The following TMOD1 variants were observed in gnomAD, a reference collection of about 807,000 sequenced individuals.
TMOD1 encodes the protein tropomodulin-1.
A neutral mutation model predicts 40.6 loss-of-function variants in TMOD1; 17 were observed. That is an observed-to-expected ratio of 0.42 (90% confidence interval 0.29 to 0.63). TMOD1 has a LOEUF of 0.63. Among genes scored for constraint, TMOD1 ranks in the 20% least tolerant of loss-of-function variants. The pLI is 0.22. For missense variants in TMOD1, 391 were observed against 447.6 expected (o/e 0.87, Z 1.14); for synonymous variants, 181 against 175.0 (o/e 1.03, Z -0.27).
chr9:97,584,705 T>G (rs1587959731), intron 8 of TMOD1, among the ~76,000 whole-genome samples: 1 of 152,078 alleles, frequency 6.6e-6, no homozygotes, highest in African/African-American at 2.4e-5. Context: ...TGCATATATA[T>G]TTAGGATAGT....
At chr9:97,562,346 G>A (rs189578510) in intron 4 of TMOD1, among the ~76,000 whole-genome samples, 21 of 152,318 alleles carry the variant, frequency 1.4e-4, no homozygotes, top group African/African-American at 5.1e-4. Flanking sequence ...CACTGGGATG[G>A]TCAAATGGGC....
At chr9:97,571,024 C>T (rs75153064) in intron 8 of TMOD1, among the ~76,000 whole-genome samples, 6 of 152,184 alleles carry the variant, frequency 3.9e-5, no homozygotes, top group South Asian at 2.1e-4. Flanking sequence ...ACCCCTTCTG[C>T]GCCCTCCCTT....
intron 4 of TMOD1, among the ~76,000 whole-genome samples, chr9:97,553,679 G>A (rs1041983482): frequency 1.3e-5 from 2 of 152,130 alleles, no homozygotes; most frequent in South Asian, 2.1e-4. Flanking sequence ...GCCCACAGAC[G>A]CCCTTTCCCA....
intron 9 of TMOD1, among the ~76,000 whole-genome samples, chr9:97,597,877 C>T (rs1462783950): frequency 2.6e-5 from 4 of 151,988 alleles, no homozygotes; most frequent in Non-Finnish European, 5.9e-5. Flanking sequence ...CCTGGCTCTG[C>T]TGCCAGCTCT....
chr9:97,545,045 C>T (rs939085475), intron 2 of TMOD1, among the ~76,000 whole-genome samples: 2 of 150,890 alleles, frequency 1.3e-5, no homozygotes, highest in African/African-American at 4.9e-5. Context: ...GGTGGAATGA[C>T]TCTTCAGTTT....
At chr9:97,504,278 G>A (rs778311143) in intron 1 of TMOD1, among the ~76,000 whole-genome samples, 7 of 152,154 alleles carry the variant, frequency 4.6e-5, no homozygotes, top group Non-Finnish European at 7.3e-5. Context: ...GTGGTGAGGG[G>A]GAAAGGCAGG....
chr9:97,568,447 G>A lies in TMOD1; in HGVS notation c.727-447G>A, dbSNP rs1378829906. ...AGAGGGTAGGCTACAGCTAGCTGGG[G>A]AATGTCAGCAAGAGTTCTTGGAGAA... On this transcript the variant is annotated intron_variant, in intron 7 of 9. Transcript: ENST00000259365. Among the ~76,000 whole-genome samples, 4 of 152,220 alleles carry A rather than the reference G, an allele frequency of 2.6e-5. No homozygotes were observed. In the South Asian group the frequency reaches 6.2e-4, roughly 24 times the overall value.
At chr9:97,544,030 G>A (rs1433690281) in intron 2 of TMOD1, among the ~76,000 whole-genome samples, 1 of 152,098 alleles carries the variant, frequency 6.6e-6, no homozygotes, top group Admixed American at 6.5e-5. Flanking sequence ...AACTCCCAGT[G>A]TCTCTTTTGA....
chr9:97,525,682 A>C (rs1418343196), intron 2 of TMOD1, among the ~76,000 whole-genome samples: 1 of 152,226 alleles, frequency 6.6e-6, no homozygotes, highest in East Asian at 1.9e-4. Context: ...GTATCCAGAC[A>C]TACTTTCTTA....
At chr9:97,516,459 A>T (rs1376181447) in intron 1 of TMOD1, 1 of 153,030 alleles carries the variant, frequency 6.5e-6, no homozygotes, top group Non-Finnish European at 1.5e-5. Flanking sequence ...CTATCCATCC[A>T]TGGGAAGCAG....
At chr9:97,511,563 C>A (rs1270220457) in intron 1 of TMOD1, among the ~76,000 whole-genome samples, 1 of 152,112 alleles carries the variant, frequency 6.6e-6, no homozygotes, top group African/African-American at 2.4e-5. Context: ...CCCAGTGTAC[C>A]CCTGGGCAGT....
chr9:97,573,943 A>G (rs1019241242), intron 8 of TMOD1, among the ~76,000 whole-genome samples: 3 of 152,116 alleles, frequency 2.0e-5, no homozygotes, highest in African/African-American at 4.8e-5. Flanking sequence ...TGGAGGGGGG[A>G]GGATCAAAGA....
chr9:97,594,687 G>A (rs1826069749), intron 9 of TMOD1, among the ~76,000 whole-genome samples: 1 of 152,208 alleles, frequency 6.6e-6, no homozygotes, highest in South Asian at 2.1e-4. Flanking sequence ...CCTGACCAGT[G>A]CGTCTTCGGT....
intron 2 of TMOD1, among the ~76,000 whole-genome samples, chr9:97,525,476 C>T (rs1243823576): frequency 6.6e-6 from 1 of 152,210 alleles, no homozygotes; most frequent in Non-Finnish European, 1.5e-5. Context: ...TATAACTACC[C>T]TGTTTCATTC....
chr9:97,584,446 G>A (rs1825824085), intron 8 of TMOD1, among the ~76,000 whole-genome samples: 3 of 151,544 alleles, frequency 2.0e-5, no homozygotes, highest in Admixed American at 2.0e-4. Context: ...TGGAATAGGT[G>A]TGGTGTGGTG....
At chr9:97,592,137 C>T (rs931644733) in intron 9 of TMOD1, among the ~76,000 whole-genome samples, 1 of 152,006 alleles carries the variant, frequency 6.6e-6, no homozygotes, top group African/African-American at 2.4e-5. Flanking sequence ...TTTGAGCAAT[C>T]ATGATCTTAC....
At position 97,600,441 on chromosome 9, in the gene TMOD1, T is replaced by G. The variant is rs144553031; in HGVS notation, c.*743T>G. On this transcript the variant is annotated 3_prime_UTR_variant, in exon 10 of 10. Coordinates refer to ENST00000259365, the MANE Select transcript of TMOD1 (RefSeq NM_003275.4). ...TTGGGATTTATGTACAATTTAATAC[T>G]GGAGTTAGAACTTTTTCCTTATTGA... 276 of 985,702 alleles carry G rather than the reference T, an allele frequency of 2.8e-4. 1 individual carries two copies. In the African/African-American group the frequency reaches 4.4e-3, roughly 16 times the overall value. The allele number at this position is 985,702 out of a possible 1,614,324, so 61.1% of individuals were successfully genotyped here. A position where few individuals can be genotyped will look rare whatever the true frequency, so the allele number is the denominator to read the frequency against.
intron 9 of TMOD1, among the ~76,000 whole-genome samples, chr9:97,597,006 G>A (rs567559052): frequency 1.3e-5 from 2 of 152,346 alleles, no homozygotes; most frequent in Admixed American, 1.3e-4. Flanking sequence ...TTGGCACACA[G>A]CACTCAGTAC....
chr9:97,541,497 A>ATTTTTATTTTTTAT (rs539361335), intron 2 of TMOD1, among the ~76,000 whole-genome samples: 2 of 150,716 alleles, frequency 1.3e-5, no homozygotes, highest in Non-Finnish European at 3.0e-5. Context: ...CCACTTGACC[A>ATTTTTATTTTTTAT]TTTTTATTTT....
Sources: gnomAD v4.1 joint callset for allele counts (sites outside exome capture counted in the v4.1 genomes callset) on GRCh38, gnomAD v4.1.1 for gene constraint, MANE v1.5 for transcripts, NCBI Gene and HGNC (gene_info 2026-07-23, HGNC 2026-07-21) for gene names.